PNLIPRP3: variants seen among roughly 807,000 people sequenced by gnomAD.
The protein encoded by PNLIPRP3 is pancreatic lipase related protein 3, also known as pancreatic lipase-related protein 3.
PNLIPRP3 carries 58 observed loss-of-function variants against 52.8 expected under a neutral mutation model. That is an observed-to-expected ratio of 1.10 (90% confidence interval 0.89 to 1.37). The LOEUF is 1.37. PNLIPRP3 is among the 40% of genes most tolerant of loss of function. PNLIPRP3 has a pLI of 0.00. For missense variants in PNLIPRP3, 593 were observed against 561.6 expected, an observed-to-expected ratio of 1.06 and a Z score of -0.57; for synonymous variants, 192 against 185.0, an observed-to-expected ratio of 1.04 and a Z score of -0.31.
At chr10:116,441,781 C>T (rs985408296) in intron 2 of PNLIPRP3, among the ~76,000 whole-genome samples, 1 of 152,126 alleles carries the variant, frequency 6.6e-6, no homozygotes, top group Non-Finnish European at 1.5e-5. Flanking sequence ...AGTTACTTGG[C>T]CCCTCAGAGT....
At chr10:116,450,387 T>C (rs1846017205) in intron 4 of PNLIPRP3, among the ~76,000 whole-genome samples, 1 of 152,086 alleles carries the variant, frequency 6.6e-6, no homozygotes, top group African/African-American at 2.4e-5. Flanking sequence ...AACCAAAAAA[T>C]TGGATACCCC....
At chr10:116,450,082 T>C (rs1379456996) in intron 4 of PNLIPRP3, among the ~76,000 whole-genome samples, 1 of 152,030 alleles carries the variant, frequency 6.6e-6, no homozygotes, top group Non-Finnish European at 1.5e-5. Context: ...CCAAAACCTA[T>C]GGGATTCAGC....
chr10:116,457,974 A>G (rs1239490623), intron 5 of PNLIPRP3, among the ~76,000 whole-genome samples: 1 of 152,202 alleles, frequency 6.6e-6, no homozygotes, highest in Non-Finnish European at 1.5e-5. Flanking sequence ...TTGGGCAATC[A>G]TGTTCCTTGA....
At chr10:116,468,555 C>T (rs1460549230) in intron 8 of PNLIPRP3, among the ~76,000 whole-genome samples, 1 of 152,122 alleles carries the variant, frequency 6.6e-6, no homozygotes, top group Non-Finnish European at 1.5e-5. Context: ...AATAGCCAAT[C>T]ACCAAAAAAG....
chr10:116,444,638 G>C (rs1845917111), intron 4 of PNLIPRP3, 125 bp downstream of exon 4: 1 of 996,852 alleles, frequency 1.0e-6, no homozygotes. Context: ...GAAATAATAA[G>C]CATTTGTATA....
chr10:116,470,238 G>A (rs922238228), intron 9 of PNLIPRP3, among the ~76,000 whole-genome samples: 6 of 152,056 alleles, frequency 3.9e-5, no homozygotes, highest in African/African-American at 9.7e-5. Flanking sequence ...GTAGAGATAC[G>A]GATCTCAGCC....
chr10:116,470,370 A>T (rs1056183841), intron 9 of PNLIPRP3, among the ~76,000 whole-genome samples: 1 of 152,144 alleles, frequency 6.6e-6, no homozygotes, highest in South Asian at 2.1e-4. Context: ...TAAAGATAGC[A>T]GAGAAAGAGG....
intron 1 of PNLIPRP3, among the ~76,000 whole-genome samples, chr10:116,431,022 TG>T (rs1328582894): frequency 2.0e-5 from 3 of 152,202 alleles, no homozygotes; most frequent in Non-Finnish European, 4.4e-5. Flanking sequence ...TCACAATTAA[TG>T]GCCTTCCAGA....
In PNLIPRP3 at chr10:116,436,753, G is replaced by C; in HGVS notation, c.92G>C (p.Gly31Ala). Residue 31 changes from glycine to alanine, a missense_variant, in exon 2 of 12, where the codon GGT becomes GCT. Gly to Ala is a moderately conservative substitution (Grantham distance 60). Transcript: ENST00000369230. Reference protein sequence around the residue: ...CYERLGCFKDGLPWTRTFSTE... With the variant: ...CYERLGCFKDALPWTRTFSTE... The stretch of plus-strand genomic sequence containing the variant: ...GAAAGGTTAGGGTGTTTCAAAGATG[G>C]TTTACCATGGACCAGGACTTTCTCA... 1 of 1,613,376 alleles carries C rather than the reference G, an allele frequency of 6.2e-7. No homozygotes were observed. Among genetic ancestry groups the C allele is most frequent in the South Asian group, 1.1e-5 (1 of 90,922 alleles).
chr10:116,458,532 C>T (rs931775783), intron 5 of PNLIPRP3, among the ~76,000 whole-genome samples: 2 of 151,596 alleles, frequency 1.3e-5, no homozygotes, highest in Admixed American at 6.6e-5. Flanking sequence ...TGTTTCTCTC[C>T]AGGAATCCTG....
chr10:116,447,139 A>C (rs1228835439), intron 4 of PNLIPRP3, among the ~76,000 whole-genome samples: 1 of 152,192 alleles, frequency 6.6e-6, no homozygotes, highest in Non-Finnish European at 1.5e-5. Context: ...AAAAGAGTTA[A>C]ACTGCAAATC....
chr10:116,470,698 CG>C (rs972025483), intron 9 of PNLIPRP3, among the ~76,000 whole-genome samples: 2 of 151,924 alleles, frequency 1.3e-5, no homozygotes, highest in Admixed American at 6.6e-5. Flanking sequence ...TTAGTAGAGA[CG>C]GGGTTTCACC....
chr10:116,466,149 C>T lies in PNLIPRP3; in HGVS notation c.908C>T (p.Ser303Phe). The T allele has an allele frequency of 1.2e-6, 2 of 1,603,520 alleles. No homozygotes were observed. Among genetic ancestry groups the T allele is most frequent in the Non-Finnish European group, 1.7e-6 (2 of 1,172,492 alleles). ...GCATTTATTGCTTATCCTTGTAGAT[C>T]CTACACATCTTTTAAAGCAGTAAGT... ...PDAFIAYPCR[S>F]YTSFKAGNCF... Residue 303 changes from serine to phenylalanine, a missense_variant, in exon 8 of 12, where the codon TCC (serine) becomes TTC (phenylalanine). Physicochemically the swap from Ser to Phe is radical, Grantham distance 155 (BLOSUM62 -2). Coordinates refer to ENST00000369230, the MANE Select transcript of PNLIPRP3 (RefSeq NM_001011709.3).
chr10:116,443,609 A>C (rs911417748), intron 3 of PNLIPRP3, among the ~76,000 whole-genome samples: 1 of 25,192 alleles, frequency 4.0e-5, no homozygotes, highest in East Asian at 6.9e-4. Context: ...AAATTTATAT[A>C]TATGTGTTTT....
intron 2 of PNLIPRP3, among the ~76,000 whole-genome samples, chr10:116,441,512 T>A (rs1202811868): frequency 6.6e-6 from 1 of 152,174 alleles, no homozygotes; most frequent in East Asian, 1.9e-4. Context: ...AGCACCTGGA[T>A]TATCTTAGAG....
intron 7 of PNLIPRP3, 62 bp downstream of exon 7, chr10:116,461,352 G>T: frequency 1.3e-6 from 2 of 1,546,126 alleles, no homozygotes; most frequent in South Asian, 2.3e-5. Context: ...CTCCTTAGAT[G>T]GGATCCACCT....
chr10:116,456,669 C>T, intron 5 of PNLIPRP3, among the ~76,000 whole-genome samples: 1 of 152,148 alleles, frequency 6.6e-6, no homozygotes, highest in African/African-American at 2.4e-5. Context: ...AATAATTAAT[C>T]ATGTCTCCTC....
At chr10:116,466,697 A>G (rs1398951334) in intron 8 of PNLIPRP3, among the ~76,000 whole-genome samples, 1 of 152,242 alleles carries the variant, frequency 6.6e-6, no homozygotes, top group Non-Finnish European at 1.5e-5. Flanking sequence ...ATTTTACTTG[A>G]GTAAAAGAAA....
intron 4 of PNLIPRP3, among the ~76,000 whole-genome samples, chr10:116,451,671 C>A (rs534241408): frequency 4.6e-5 from 7 of 152,282 alleles, no homozygotes; most frequent in African/African-American, 1.4e-4. Context: ...CCATGTGATA[C>A]CCCAGTCCCA....
Sources: allele counts gnomAD v4.1 joint callset (sites outside exome capture counted in the v4.1 genomes callset), GRCh38; gene constraint gnomAD v4.1.1; transcripts MANE v1.5; gene names NCBI Gene and HGNC (gene_info 2026-07-23, HGNC 2026-07-21).